The following IKZF5 variants were observed in gnomAD, a reference collection of about 807,000 sequenced individuals.
The protein encoded by IKZF5 is IKAROS family zinc finger 5.
A neutral mutation model predicts 30.7 loss-of-function variants in IKZF5; 4 were observed. That is an observed-to-expected ratio of 0.13 (90% CI 0.06 to 0.30). The LOEUF (loss-of-function observed/expected upper bound fraction) is 0.30, where lower values mean the gene tolerates loss of function less well. Among genes scored for constraint, IKZF5 ranks in the 10% least tolerant of loss-of-function variants. The pLI, the probability that IKZF5 is intolerant of heterozygous loss-of-function variation, is 1.00. For missense variants in IKZF5, 348 were observed against 525.5 expected (o/e 0.66, Z 3.30); for synonymous variants, 148 against 179.6 (o/e 0.82, Z 1.41).
chr10:122,996,238 A>C (rs1849369058), intron 3 of IKZF5, 62 bp from the exon 4 acceptor site: 2 of 1,414,854 alleles, frequency 1.4e-6, no homozygotes, highest in Non-Finnish European at 9.8e-7. Context: ...TTAGCATTTC[A>C]GTTTTAAGTG....
intron 2 of IKZF5, among the ~76,000 whole-genome samples, chr10:123,001,163 G>A (rs1050419620): frequency 4.6e-5 from 7 of 151,710 alleles, no homozygotes; most frequent in Non-Finnish European, 1.0e-4. Flanking sequence ...CCGCCACCAC[G>A]CCCAGTTAAT....
At chr10:123,001,297 C>T (rs909961766) in intron 2 of IKZF5, among the ~76,000 whole-genome samples, 4 of 152,110 alleles carry the variant, frequency 2.6e-5, no homozygotes, top group Admixed American at 6.5e-5. Flanking sequence ...TGAGCCACTG[C>T]GCCCGGCCTT....
At chr10:122,995,659 C>T (rs1043070336) in intron 4 of IKZF5, among the ~76,000 whole-genome samples, 5 of 152,128 alleles carry the variant, frequency 3.3e-5, no homozygotes, top group East Asian at 1.9e-4. Flanking sequence ...GCAAATGAAA[C>T]GTAATAGGAT....
intron 2 of IKZF5, among the ~76,000 whole-genome samples, chr10:123,000,204 C>G (rs1352629828): frequency 6.6e-6 from 1 of 152,172 alleles, no homozygotes; most frequent in Non-Finnish European, 1.5e-5. Context: ...TCCCAGAAAC[C>G]CCCCTCGTGT....
chr10:123,008,706 G>A lies in IKZF5; in HGVS notation c.-210C>T. 1 of 512,674 alleles carries A rather than the reference G, an allele frequency of 2.0e-6. No homozygotes were observed. The highest frequency in any genetic ancestry group is 3.6e-6 in the Non-Finnish European group (1 of 280,308). 31.8% of individuals were successfully genotyped at this position (512,674 alleles called of 1,614,324 possible). ...GCCTGCTACTTACCTCCTGACAACT[G>A]CATGGAGTAAACCACACCGCCTTGT... On this transcript the variant is annotated 5_prime_UTR_variant, in exon 1 of 5. It introduces an in-frame stop codon into an upstream open reading frame of the 5' UTR. Transcript: ENST00000368886.
At chr10:123,004,298 T>C (rs956050403) in intron 2 of IKZF5, among the ~76,000 whole-genome samples, 9 of 152,202 alleles carry the variant, frequency 5.9e-5, no homozygotes, top group African/African-American at 2.2e-4. Flanking sequence ...ACATGAAAAC[T>C]ATACATTTCT....
At chr10:123,002,246 C>T (rs1184604011) in intron 2 of IKZF5, among the ~76,000 whole-genome samples, 6 of 152,072 alleles carry the variant, frequency 3.9e-5, no homozygotes, top group Non-Finnish European at 5.9e-5. Flanking sequence ...TGGCCGGGCG[C>T]AGTGGCTCAC....
chr10:123,004,965 C>A (rs1849728503), intron 2 of IKZF5, among the ~76,000 whole-genome samples: 2 of 152,010 alleles, frequency 1.3e-5, no homozygotes, highest in Admixed American at 1.3e-4. Context: ...GTCAATATTT[C>A]TAAGCATAAT....
chr10:123,003,104 C>G (rs951909846), intron 2 of IKZF5, among the ~76,000 whole-genome samples: 7 of 150,296 alleles, frequency 4.7e-5, no homozygotes, highest in African/African-American at 1.7e-4. Flanking sequence ...GATCTCGGCT[C>G]ACTGCAACCT....
intron 2 of IKZF5, among the ~76,000 whole-genome samples, chr10:123,005,329 A>G (rs769001374): frequency 2.0e-5 from 3 of 152,238 alleles, no homozygotes; most frequent in Non-Finnish European, 4.4e-5. Flanking sequence ...AAACCTTTGC[A>G]AACATAACAA....
intron 2 of IKZF5, among the ~76,000 whole-genome samples, chr10:123,001,555 T>C (rs1849587100): frequency 6.6e-6 from 1 of 152,190 alleles, no homozygotes; most frequent in Non-Finnish European, 1.5e-5. Flanking sequence ...CAAAGAGATA[T>C]CCAACTGTCC....
rs1292769690 is a variant in IKZF5, at chr10:122,993,735, A to G, written c.*45T>C. 1 of 1,431,618 alleles carries G rather than the reference A, an allele frequency of 7.0e-7. No individual in the cohort carries two copies. The highest frequency in any genetic ancestry group is 9.5e-7 in the Non-Finnish European group (1 of 1,054,916). 88.7% of individuals were successfully genotyped at this position (1,431,618 alleles called of 1,614,324 possible). On this transcript the variant is annotated 3_prime_UTR_variant, in exon 5 of 5. Transcript: ENST00000368886. ...ACCAAAACAAAAAACAAAAAAAACCAAACCACAAAAACAGCAAAACTAAGT... is the reference window on the plus strand; with the variant it reads ...ACCAAAACAAAAAACAAAAAAAACCGAACCACAAAAACAGCAAAACTAAGT...
At chr10:122,997,853 C>A (rs1464938150) in intron 3 of IKZF5, among the ~76,000 whole-genome samples, 3 of 152,210 alleles carry the variant, frequency 2.0e-5, no homozygotes, top group Non-Finnish European at 4.4e-5. Flanking sequence ...ACATTATTCT[C>A]CTTTTGACAC....
intron 2 of IKZF5, among the ~76,000 whole-genome samples, chr10:123,000,019 G>A (rs1264966838): frequency 6.6e-6 from 1 of 152,088 alleles, no homozygotes; most frequent in Non-Finnish European, 1.5e-5. Flanking sequence ...ATCTTTAGTA[G>A]CCAGTGGTAG....
Position 122,996,147 on chromosome 10 carries a change from C to A in IKZF5, c.163G>T (p.Asp55Tyr), listed in dbSNP as rs1849364988. 1.2e-6 allele frequency: 2 copies of A among 1,613,676 alleles called. No individual in the cohort carries two copies. The highest frequency in any genetic ancestry group is 1.1e-5 in the South Asian group (1 of 91,054). ...AAGGAAACTTCAACAGATGGGTGAT[C>A]AAGTCCATTTTGATCACCATCTGTT... is the stretch of plus-strand genomic sequence containing the variant. ...AGTDGDQNGL[D>Y]HPSVEVSLDE... is the part of the protein sequence containing the mutation. Residue 55 changes from aspartate to tyrosine, a missense_variant, in exon 4 of 5, where the codon GAT becomes TAT. Transcript: ENST00000368886.
In IKZF5 at chr10:122,991,937, G is replaced by T. The variant is rs1016294610; in HGVS notation, c.*1843C>A. On this transcript the variant is annotated 3_prime_UTR_variant, in exon 5 of 5. Coordinates refer to ENST00000368886, the MANE Select transcript of IKZF5 (RefSeq NM_001372123.1). Reference sequence around the variant, plus strand: ...CTATTTTGGGGTACTGCTTTTATCTGAAGAATAAAAATGGGAAAAAATAAC... The same window carrying T: ...CTATTTTGGGGTACTGCTTTTATCTTAAGAATAAAAATGGGAAAAAATAAC... 2 of 152,088 alleles carry T rather than the reference G, an allele frequency of 1.3e-5. No homozygotes were observed. The highest frequency in any genetic ancestry group is 2.9e-5 in the Non-Finnish European group (2 of 67,994). 9.4% of individuals were successfully genotyped at this position (152,088 alleles called of 1,614,324 possible).
Position 122,992,661 on chromosome 10 carries a change from C to T in IKZF5, c.*1119G>A, listed in dbSNP as rs551053780. ...TACTAAAGCGATGATTTAGTTTCTA[C>T]ACAGTTTCGTCACTGTACATGAAGA... On this transcript the variant is annotated 3_prime_UTR_variant, in exon 5 of 5. Coordinates refer to ENST00000368886, the MANE Select transcript of IKZF5 (RefSeq NM_001372123.1). 3.9e-5 allele frequency: 6 copies of T among 152,276 alleles called. No homozygotes were observed. In the East Asian group the frequency reaches 1.2e-3, roughly 29 times the overall value. The allele number at this position is 152,276 out of a possible 1,614,324, so 9.4% of individuals were successfully genotyped here.
chr10:122,993,733 C>A lies in IKZF5; in HGVS notation c.*47G>T, dbSNP rs752550125. 493 of 1,405,128 alleles carry A rather than the reference C, an allele frequency of 3.5e-4. 1 individual carries two copies. The highest frequency in any genetic ancestry group is 6.5e-4 in the Admixed American group (30 of 45,820). The allele number at this position is 1,405,128 out of a possible 1,614,324, so 87.0% of individuals were successfully genotyped here. A position where few individuals can be genotyped will look rare whatever the true frequency, so the allele number is the denominator to read the frequency against. Reference sequence around the variant, plus strand: ...TGACCAAAACAAAAAACAAAAAAAACCAAACCACAAAAACAGCAAAACTAA... The same window carrying A: ...TGACCAAAACAAAAAACAAAAAAAAACAAACCACAAAAACAGCAAAACTAA... On this transcript the variant is annotated 3_prime_UTR_variant, in exon 5 of 5. Transcript: ENST00000368886.
chr10:123,001,301 C>T (rs941572332), intron 2 of IKZF5, among the ~76,000 whole-genome samples: 5 of 152,078 alleles, frequency 3.3e-5, no homozygotes, highest in African/African-American at 1.2e-4. Flanking sequence ...CCACTGCGCC[C>T]GGCCTTCACT....
Sources: allele counts gnomAD v4.1 joint callset (sites outside exome capture counted in the v4.1 genomes callset), GRCh38; gene constraint gnomAD v4.1.1; transcripts MANE v1.5; gene names NCBI Gene and HGNC (gene_info 2026-07-23, HGNC 2026-07-21).